Variants in TRIM71 observed in about 807,000 individuals in gnomAD.
TRIM71 encodes E3 ubiquitin-protein ligase TRIM71.
TRIM71 carries 9 observed loss-of-function variants against 61.2 expected under a neutral mutation model. The observed-to-expected ratio is 0.15, with a 90% CI of 0.09 to 0.26. TRIM71 has a LOEUF of 0.26. TRIM71 is among the 10% of genes least tolerant of loss of function. The probability of loss-of-function intolerance (pLI) is 1.00; values close to 1 mark genes in which losing one functional copy is unlikely to be tolerated. For missense variants in TRIM71, 998 were observed against 1,238.7 expected, an observed-to-expected ratio of 0.81 and a Z score of 2.92; for synonymous variants, 645 against 553.2, an observed-to-expected ratio of 1.17 and a Z score of -2.33.
chr3:32,874,591 C>T (rs1411684201), intron 2 of TRIM71, among the ~76,000 whole-genome samples: 7 of 151,998 alleles, frequency 4.6e-5, no homozygotes, highest in African/African-American at 1.5e-4. Context: ...GGCACGATCT[C>T]GGCTCACTGC....
rs1321834269 is a variant in TRIM71 at position 32,896,555 on chromosome 3, GAGAGGAGGGTCCT to G, written c.*4746_*4758del. On this transcript the variant is annotated 3_prime_UTR_variant, in exon 4 of 4. Coordinates refer to ENST00000383763, the MANE Select transcript of TRIM71 (RefSeq NM_001039111.3). ...TGCCCTAATTTTTGGTTGTTTGGAAGAGAGGAGGGTCCTAAGACCACTGTCATTATCATGAGGG... is the reference window on the plus strand; with the variant it reads ...TGCCCTAATTTTTGGTTGTTTGGAAGAAGACCACTGTCATTATCATGAGGG... 1 of 152,144 alleles carries G rather than the reference GAGAGGAGGGTCCT, an allele frequency of 6.6e-6. No homozygotes were observed. Among genetic ancestry groups the G allele is most frequent in the Non-Finnish European group, 1.5e-5 (1 of 68,030 alleles). 9.4% of individuals were successfully genotyped at this position (152,144 alleles called of 1,614,324 possible). A position where few individuals can be genotyped will look rare whatever the true frequency, so the allele number is the denominator to read the frequency against.
chr3:32,857,163 C>T (rs1424828603), intron 1 of TRIM71, among the ~76,000 whole-genome samples: 2 of 152,202 alleles, frequency 1.3e-5, no homozygotes, highest in Admixed American at 6.5e-5. Context: ...TCCCTGGGTC[C>T]CCTGTTCCCT....
chr3:32,857,577 TAA>T (rs750480735), intron 1 of TRIM71, among the ~76,000 whole-genome samples: 3 of 152,224 alleles, frequency 2.0e-5, no homozygotes, highest in Non-Finnish European at 2.9e-5. Flanking sequence ...ACAGATAATA[TAA>T]AGTCAATTAA....
chr3:32,879,684 A>C (rs74370585), intron 2 of TRIM71, among the ~76,000 whole-genome samples: 18,145 of 151,862 alleles, frequency 0.12, 2,581 homozygotes, highest in African/African-American at 0.35. Flanking sequence ...AAAAAAAAAA[A>C]AAAACTGGCT....
At chr3:32,880,465 T>C (rs1471231351) in intron 2 of TRIM71, among the ~76,000 whole-genome samples, 1 of 152,252 alleles carries the variant, frequency 6.6e-6, no homozygotes. Context: ...ATGTCAGATG[T>C]TCAGTTAACT....
At position 32,818,383 on chromosome 3, in the gene TRIM71, C is replaced by G. The variant is rs554206017; in HGVS notation, c.303C>G (p.Ala101=). The G allele has an allele frequency of 4.5e-4, 659 of 1,479,610 alleles. 2 individuals carry two copies. The African/African-American group carries it at 7.8e-3, about 18-fold the overall frequency. 91.7% of individuals were successfully genotyped at this position (1,479,610 alleles called of 1,614,324 possible). ...CPVCDQKVVL[A]EAAGMDALPS... ...TGTGCGACCAGAAAGTAGTGCTAGC[C>G]GAGGCGGCGGGTATGGACGCGCTGC... The change falls in exon 1 of 4, where the codon GCC becomes GCG. Residue 101 remains alanine, a synonymous_variant. Transcript: ENST00000383763.
intron 1 of TRIM71, among the ~76,000 whole-genome samples, chr3:32,869,303 G>A (rs1696772266): frequency 6.6e-6 from 1 of 152,140 alleles, no homozygotes; most frequent in Non-Finnish European, 1.5e-5. Context: ...TCATTTTAAG[G>A]GATACCAAAC....
intron 1 of TRIM71, among the ~76,000 whole-genome samples, chr3:32,828,133 T>C (rs1236323469): frequency 6.6e-6 from 1 of 151,846 alleles, no homozygotes. Flanking sequence ...AATTCAGGAG[T>C]TTAGATCATA....
chr3:32,833,620 T>A (rs1245067325), intron 1 of TRIM71, among the ~76,000 whole-genome samples: 3 of 150,944 alleles, frequency 2.0e-5, no homozygotes, highest in Non-Finnish European at 4.4e-5. Flanking sequence ...GCTGCAGGAG[T>A]ACTGAGAATG....
chr3:32,891,935 CTTTT>C lies in TRIM71; in HGVS notation c.*133_*136del. 9.3e-7 allele frequency: 1 copy of C among 1,077,650 alleles called. No homozygotes were observed. Among genetic ancestry groups the C allele is most frequent in the Non-Finnish European group, 1.2e-6 (1 of 818,762 alleles). 66.8% of individuals were successfully genotyped at this position (1,077,650 alleles called of 1,614,324 possible). On this transcript the variant is annotated 3_prime_UTR_variant, in exon 4 of 4. Coordinates refer to ENST00000383763, the MANE Select transcript of TRIM71 (RefSeq NM_001039111.3). The surrounding 1 kb of genome is among the most constrained non-coding windows in gnomAD (Gnocchi z 8.2). The stretch of plus-strand genomic sequence containing the variant: ...ACAGTCTCAGGGAAATTTCTTTTTT[CTTTT>C]TTTTTTTTAAAGAGAACAAGAAAAG...
At chr3:32,860,465 T>C (rs1696654963) in intron 1 of TRIM71, among the ~76,000 whole-genome samples, 1 of 152,094 alleles carries the variant, frequency 6.6e-6, no homozygotes, top group African/African-American at 2.4e-5. Flanking sequence ...CCCTCACACC[T>C]TTCTTTAAAA....
rs185519071 is a variant in TRIM71 at position 32,890,691 on chromosome 3, G to A, written c.1487G>A (p.Arg496His). 79 of 1,614,012 alleles carry A rather than the reference G, an allele frequency of 4.9e-5. 2 individuals are homozygous for A. In the East Asian group the frequency reaches 9.8e-4, roughly 20 times the overall value. ...LTKATGDGLKRALQGKVASFT... is the reference protein window; with the variant it reads ...LTKATGDGLKHALQGKVASFT... ...AAGGCCACAGGCGATGGCCTCAAGC[G>A]TGCCCTCCAGGGTAAGGTGGCCTCC... The change falls in exon 4 of 4, where the codon CGT (arginine) becomes CAT (histidine). Residue 496 changes from arginine (R) to histidine (H), a missense_variant. Coordinates refer to ENST00000383763, the MANE Select transcript of TRIM71 (RefSeq NM_001039111.3). The surrounding 1 kb of genome is among the most constrained non-coding windows in gnomAD (Gnocchi z 6.2).
intron 1 of TRIM71, among the ~76,000 whole-genome samples, chr3:32,833,183 T>TAAAAAA (rs1696293408): frequency 5.1e-5 from 2 of 39,100 alleles, no homozygotes; most frequent in Non-Finnish European, 1.3e-4. Flanking sequence ...AACTCTGTCT[T>TAAAAAA]TAAAAAAAAA....
At position 32,834,559 on chromosome 3, in the gene TRIM71, T is replaced by G. The variant is rs565785702; in HGVS notation, c.852+15627T>G. Among the ~76,000 whole-genome samples the G allele has an allele frequency of 7.9e-5, 12 of 152,268 alleles. No individual in the cohort carries two copies. The East Asian group carries it at 2.3e-3, about 29-fold the overall frequency. ...ACTTCTAGTATAGCCAGTTTTAAAG[T>G]TGGAAAACGAACATTTCATTTTCTT... On this transcript the variant is annotated intron_variant, in intron 1 of 3. Coordinates refer to ENST00000383763, the MANE Select transcript of TRIM71 (RefSeq NM_001039111.3).
chr3:32,856,800 T>C (rs2125683631), intron 1 of TRIM71, among the ~76,000 whole-genome samples: 1 of 152,340 alleles, frequency 6.6e-6, no homozygotes, highest in South Asian at 2.1e-4. Flanking sequence ...GTGATTTAAC[T>C]TGCCTTGCCA....
chr3:32,832,686 A>G (rs1051685640), intron 1 of TRIM71, among the ~76,000 whole-genome samples: 1 of 152,046 alleles, frequency 6.6e-6, no homozygotes, highest in Non-Finnish European at 1.5e-5. Flanking sequence ...ACCCCGTCTC[A>G]ATAAAAAATA....
intron 1 of TRIM71, among the ~76,000 whole-genome samples, chr3:32,846,078 T>C (rs1053911529): frequency 2.0e-5 from 3 of 146,710 alleles, no homozygotes; most frequent in African/African-American, 7.5e-5. Flanking sequence ...GCCACTTTTT[T>C]TTTTTTTTTT....
At chr3:32,880,246 C>G (rs776813499) in intron 2 of TRIM71, among the ~76,000 whole-genome samples, 13 of 151,928 alleles carry the variant, frequency 8.6e-5, no homozygotes, top group Non-Finnish European at 1.6e-4. Flanking sequence ...GGCTGGTCTT[C>G]TCAAACTCAT....
chr3:32,827,964 T>A (rs1696223126), intron 1 of TRIM71, among the ~76,000 whole-genome samples: 1 of 152,182 alleles, frequency 6.6e-6, no homozygotes, highest in African/African-American at 2.4e-5. Flanking sequence ...TGGGACTAAT[T>A]GGGATAATTA....
Sources: gnomAD v4.1 joint callset for allele counts (sites outside exome capture counted in the v4.1 genomes callset) on GRCh38, gnomAD v4.1.1 for gene constraint, Gnocchi (gnomAD v3.1) non-coding constraint, MANE v1.5 for transcripts, NCBI Gene and HGNC (gene_info 2026-07-23, HGNC 2026-07-21) for gene names.